Variants in ACBD7 observed in about 807,000 individuals in gnomAD.
ACBD7 encodes acyl-CoA binding domain containing 7, also known as acyl-CoA-binding domain-containing protein 7.
In ACBD7, 11 loss-of-function variants were observed where a neutral mutation model predicts 13.7. The ratio of observed to expected loss-of-function variants is 0.80; its 90% confidence interval spans 0.50 to 1.33. The LOEUF (loss-of-function observed/expected upper bound fraction) is 1.33. Among genes scored for constraint, ACBD7 ranks in the 40% most tolerant of loss-of-function variants. The pLI is 0.00. For missense variants in ACBD7, 111 were observed against 103.0 expected, an observed-to-expected ratio of 1.08 and a Z score of -0.33; for synonymous variants, 43 against 37.7, an observed-to-expected ratio of 1.14 and a Z score of -0.51.
In ACBD7 at chr10:15,078,379, TAGTTTC is replaced by T; in HGVS notation, c.*145_*150del. 1 of 1,505,792 alleles carries T rather than the reference TAGTTTC, an allele frequency of 6.6e-7. No homozygotes were observed. The highest frequency in any genetic ancestry group is 8.8e-7 in the Non-Finnish European group (1 of 1,136,352). 93.3% of individuals were successfully genotyped at this position (1,505,792 alleles called of 1,614,324 possible). On this transcript the variant is annotated 3_prime_UTR_variant, in exon 4 of 4. Coordinates refer to ENST00000356189, the MANE Select transcript of ACBD7 (RefSeq NM_001039844.3). ...AGCAAGTACAATTGAGTTAACTATG[TAGTTTC>T]AGTATACTTCTAAGTACTACAGCTC...
chr10:15,077,108 T>C lies in ACBD7; in HGVS notation c.*1422A>G, dbSNP rs887587210. Among the ~76,000 whole-genome samples the C allele has an allele frequency of 4.6e-5, 7 of 152,264 alleles. No homozygotes were observed. The South Asian group carries it at 8.3e-4, about 18-fold the overall frequency. On this transcript the variant is annotated 3_prime_UTR_variant, in exon 4 of 4. Transcript: ENST00000356189. ...GGGTATCTTCTTAAAGGAAAATAAA[T>C]CATTCTATCCAAAAGATACCTGCAC...
At chr10:15,088,411 G>T in intron 1 of ACBD7, 2 of 494,822 alleles carry the variant, frequency 4.0e-6, no homozygotes, top group East Asian at 7.4e-5. Context: ...GGGAGCGGGG[G>T]ATCTCGACTC....
At chr10:15,082,341 AG>A (rs1203496855) in intron 1 of ACBD7, among the ~76,000 whole-genome samples, 3 of 151,078 alleles carry the variant, frequency 2.0e-5, no homozygotes, top group Non-Finnish European at 4.4e-5. Flanking sequence ...AAATACTTTT[AG>A]TTTATGGTTT....
At chr10:15,082,283 C>CAAAAAAAA in intron 1 of ACBD7, among the ~76,000 whole-genome samples, 1 of 65,790 alleles carries the variant, frequency 1.5e-5, no homozygotes, top group Non-Finnish European at 3.2e-5. Flanking sequence ...AAGACTATCT[C>CAAAAAAAA]AAAAAAAAAA....
intron 1 of ACBD7, among the ~76,000 whole-genome samples, chr10:15,086,329 C>T (rs1048131355): frequency 2.0e-5 from 3 of 151,840 alleles, no homozygotes; most frequent in African/African-American, 7.3e-5. Context: ...AGTTACCTTC[C>T]CCCAATATTG....
At position 15,076,811 on chromosome 10, in the gene ACBD7, G is replaced by A. The variant is rs1844687536; in HGVS notation, c.*1719C>T. On this transcript the variant is annotated 3_prime_UTR_variant, in exon 4 of 4. Coordinates refer to ENST00000356189, the MANE Select transcript of ACBD7 (RefSeq NM_001039844.3). ...AGCCACCACGCTCAGCCTTGCCATTGATTCTTAATAACCTGTTTTTATTTC... is the reference window on the plus strand; with the variant it reads ...AGCCACCACGCTCAGCCTTGCCATTAATTCTTAATAACCTGTTTTTATTTC... 9 of 985,304 alleles carry A rather than the reference G, an allele frequency of 9.1e-6. No homozygotes were observed. Among genetic ancestry groups the A allele is most frequent in the Non-Finnish European group, 1.1e-5 (9 of 829,906 alleles). 61.0% of individuals were successfully genotyped at this position (985,304 alleles called of 1,614,324 possible). A position where few individuals can be genotyped will look rare whatever the true frequency, so the allele number is the denominator to read the frequency against.
rs1199602127 is a variant in ACBD7, at chr10:15,077,956, T to G, written c.*574A>C. ...AAATACTTTTCTAAAAGAATTTTTT[T>G]TTTTATACTTTAAGTTCTGGGATAC... On this transcript the variant is annotated 3_prime_UTR_variant, in exon 4 of 4. Transcript: ENST00000356189. The G allele has an allele frequency of 1.3e-5, 2 of 152,248 alleles. No individual in the cohort carries two copies. Among genetic ancestry groups the G allele is most frequent in the Non-Finnish European group, 2.9e-5 (2 of 68,098 alleles). The allele number at this position is 152,248 out of a possible 1,614,324, so 9.4% of individuals were successfully genotyped here.
rs988425859 is a variant in ACBD7 at position 15,075,889 on chromosome 10, G to C, written c.*2641C>G. ...CTCTGGAGGCTGAGATGGGAGGATTGCTTGACCCTGGGAGGCAGAGGTTGC... is the reference window on the plus strand; with the variant it reads ...CTCTGGAGGCTGAGATGGGAGGATTCCTTGACCCTGGGAGGCAGAGGTTGC... On this transcript the variant is annotated 3_prime_UTR_variant, in exon 4 of 4. Coordinates refer to ENST00000356189, the MANE Select transcript of ACBD7 (RefSeq NM_001039844.3). 4.0e-5 allele frequency among the ~76,000 whole-genome samples: 6 copies of C among 148,858 alleles called. No homozygotes were observed. Among genetic ancestry groups the C allele is most frequent in the Non-Finnish European group, 7.4e-5 (5 of 67,682 alleles).
chr10:15,076,656 C>A lies in ACBD7; in HGVS notation c.*1874G>T. On this transcript the variant is annotated 3_prime_UTR_variant, in exon 4 of 4. Coordinates refer to ENST00000356189, the MANE Select transcript of ACBD7 (RefSeq NM_001039844.3). ...TAGCTGGAATTACAGGTGTGCACCA[C>A]CAATGGCTGGCTAATTTTTGTATTT... is the stretch of plus-strand genomic sequence containing the variant. 2 of 634,432 alleles carry A rather than the reference C, an allele frequency of 3.2e-6. No individual in the cohort carries two copies. The highest frequency in any genetic ancestry group is 3.9e-6 in the Non-Finnish European group (2 of 509,842). The allele number at this position is 634,432 out of a possible 1,614,324, so 39.3% of individuals were successfully genotyped here. A position where few individuals can be genotyped will look rare whatever the true frequency, so the allele number is the denominator to read the frequency against.
intron 1 of ACBD7, chr10:15,088,232 A>G (rs1844831634): frequency 6.4e-6 from 1 of 157,408 alleles, no homozygotes; most frequent in Admixed American, 6.5e-5. Flanking sequence ...TCATTGGATT[A>G]TTATCAGTAA....
intron 1 of ACBD7, among the ~76,000 whole-genome samples, chr10:15,084,728 C>T (rs1039282189): frequency 2.0e-5 from 3 of 152,142 alleles, no homozygotes; most frequent in Non-Finnish European, 2.9e-5. Flanking sequence ...ACTTGGCTCA[C>T]GATCAGTCTG....
At chr10:15,079,304 C>T (rs1157999303) in intron 1 of ACBD7, among the ~76,000 whole-genome samples, 12 of 143,124 alleles carry the variant, frequency 8.4e-5, no homozygotes, top group Admixed American at 6.5e-4. Flanking sequence ...AGGTCTGGCT[C>T]TCTCGCCCAG....
At chr10:15,084,234 C>T (rs1844783083) in intron 1 of ACBD7, among the ~76,000 whole-genome samples, 1 of 152,188 alleles carries the variant, frequency 6.6e-6, no homozygotes, top group South Asian at 2.1e-4. Flanking sequence ...CAATAATCAC[C>T]TTGGCAGCAC....
chr10:15,079,031 C>G lies in ACBD7; in HGVS notation c.22G>C (p.Asp8His), dbSNP rs1203307720. The change falls in exon 2 of 4, where the codon GAC (aspartate) becomes CAC (histidine). Residue 8 changes from aspartate (D) to histidine (H), a missense_variant. Coordinates refer to ENST00000356189, the MANE Select transcript of ACBD7 (RefSeq NM_001039844.3). Reference sequence around the variant, plus strand: ...TTCCTCACATCTTCTGCAGCCCTGTCAAAATCAGCCTAAAGGAAGAACAAA... The same window carrying G: ...TTCCTCACATCTTCTGCAGCCCTGTGAAAATCAGCCTAAAGGAAGAACAAA... MALQADF[D>H]RAAEDVRKLK... 4 of 1,606,162 alleles carry G rather than the reference C, an allele frequency of 2.5e-6. No individual in the cohort carries two copies. In the Admixed American group the frequency reaches 6.8e-5, roughly 27 times the overall value.
chr10:15,087,156 G>A (rs1844819316), intron 1 of ACBD7, among the ~76,000 whole-genome samples: 1 of 152,142 alleles, frequency 6.6e-6, no homozygotes, highest in African/African-American at 2.4e-5. Context: ...CTCCAGCCTG[G>A]GTGACAGAGT....
intron 1 of ACBD7, among the ~76,000 whole-genome samples, chr10:15,081,616 C>T (rs1751462813): frequency 6.6e-6 from 1 of 152,234 alleles, no homozygotes; most frequent in African/African-American, 2.4e-5. Flanking sequence ...CAGTCCTTCT[C>T]CTTGCACCCA....
chr10:15,088,397 G>A (rs1298092341), intron 1 of ACBD7: 1 of 481,764 alleles, frequency 2.1e-6, no homozygotes, highest in Non-Finnish European at 3.7e-6. Flanking sequence ...ACGAGCGAAG[G>A]GGCGGGAGCG....
At position 15,076,196 on chromosome 10, in the gene ACBD7, T is replaced by C; in HGVS notation, c.*2334A>G. 1 of 985,212 alleles carries C rather than the reference T, an allele frequency of 1.0e-6. No homozygotes were observed. 61.0% of individuals were successfully genotyped at this position (985,212 alleles called of 1,614,324 possible). On this transcript the variant is annotated 3_prime_UTR_variant, in exon 4 of 4. Transcript: ENST00000356189. ...TTATGCAGGGAATAGAGGTACACTG[T>C]TTTGGGGGATATTTATCTTAAGGGA...
chr10:15,079,057 CA>C lies in ACBD7; in HGVS notation c.13-18del. On this transcript the variant is annotated intron_variant, in intron 1 of 3. Transcript: ENST00000356189. ...AAAATCAGCCTAAAGGAAGAACAAA[CA>C]AACAAACAAAAGGAGCATTTTACCA... 1 of 1,570,102 alleles carries C rather than the reference CA, an allele frequency of 6.4e-7. No homozygotes were observed.
Sources: allele counts gnomAD v4.1 joint callset (sites outside exome capture counted in the v4.1 genomes callset), GRCh38; gene constraint gnomAD v4.1.1; transcripts MANE v1.5; gene names NCBI Gene and HGNC (gene_info 2026-07-23, HGNC 2026-07-21).